Variants in TNRC6A observed in about 807,000 individuals in gnomAD.
The protein encoded by TNRC6A is trinucleotide repeat containing adaptor 6A, also known as trinucleotide repeat-containing gene 6A protein.
A neutral mutation model predicts 221.2 loss-of-function variants in TNRC6A; 44 were observed. The observed-to-expected ratio is 0.20, with a 90% confidence interval of 0.16 to 0.26. The LOEUF (loss-of-function observed/expected upper bound fraction) is 0.26. TNRC6A is among the 10% of genes least tolerant of loss of function. The pLI is 1.00. For missense variants in TNRC6A, 2,199 were observed against 2,404.4 expected (o/e 0.91, Z 1.79); for synonymous variants, 847 against 838.5 (o/e 1.01, Z -0.18).
intron 2 of TNRC6A, among the ~76,000 whole-genome samples, chr16:24,740,296 G>T (rs1400519710): frequency 3.9e-5 from 6 of 152,182 alleles, no homozygotes; most frequent in African/African-American, 1.4e-4. Context: ...GACTATTCTG[G>T]TTGCATTTCT....
chr16:24,638,429 C>T (rs1901751725), intron 1 of TNRC6A, among the ~76,000 whole-genome samples: 1 of 150,558 alleles, frequency 6.6e-6, no homozygotes, highest in African/African-American at 2.4e-5. Flanking sequence ...AAAACAGAAA[C>T]AGGATGGGCA....
At chr16:24,773,506 T>C (rs1231823861) in intron 4 of TNRC6A, among the ~76,000 whole-genome samples, 1 of 152,252 alleles carries the variant, frequency 6.6e-6, no homozygotes, top group Non-Finnish European at 1.5e-5. Context: ...ATGTTTTCTT[T>C]GCTGCTGTAT....
intron 2 of TNRC6A, among the ~76,000 whole-genome samples, chr16:24,706,171 C>T (rs1430895210): frequency 6.6e-6 from 1 of 152,162 alleles, no homozygotes; most frequent in Admixed American, 6.6e-5. Flanking sequence ...ACACTTTGTT[C>T]ATCAATTAGA....
intron 2 of TNRC6A, among the ~76,000 whole-genome samples, chr16:24,733,028 C>G (rs2056680490): frequency 6.6e-6 from 1 of 152,072 alleles, no homozygotes; most frequent in African/African-American, 2.4e-5. Context: ...ACCAGCCTGG[C>G]CAACATAGTG....
upstream of TNRC6A, among the ~76,000 whole-genome samples, chr16:24,728,479 A>G (rs1347909400): frequency 1.3e-5 from 2 of 151,952 alleles, no homozygotes; most frequent in Non-Finnish European, 2.9e-5. Flanking sequence ...AAAATAAAAA[A>G]AAAAGCCAGT....
chr16:24,653,835 C>T (rs973892573), intron 2 of TNRC6A, among the ~76,000 whole-genome samples: 1 of 151,734 alleles, frequency 6.6e-6, no homozygotes, highest in Non-Finnish European at 1.5e-5. Context: ...GACTAAAGGA[C>T]TGTACTTTAG....
At chr16:24,717,042 C>T (rs1372268664) in intron 2 of TNRC6A, among the ~76,000 whole-genome samples, 1 of 150,222 alleles carries the variant, frequency 6.7e-6, no homozygotes, top group African/African-American at 2.4e-5. Flanking sequence ...TTATTTCTGT[C>T]TGTATAGATA....
chr16:24,690,376 G>A (rs1163000508), intron 2 of TNRC6A, among the ~76,000 whole-genome samples: 1 of 152,142 alleles, frequency 6.6e-6, no homozygotes, highest in African/African-American at 2.4e-5. Context: ...TTGGCCAGGA[G>A]TTCCCAATAT....
chr16:24,677,282 C>T (rs1378868786), intron 2 of TNRC6A, among the ~76,000 whole-genome samples: 1 of 151,890 alleles, frequency 6.6e-6, no homozygotes, highest in Non-Finnish European at 1.5e-5. Flanking sequence ...CATGCCTCAG[C>T]CTCCTGAGTA....
intron 2 of TNRC6A, among the ~76,000 whole-genome samples, chr16:24,686,495 T>C (rs2055628272): frequency 6.6e-6 from 1 of 152,184 alleles, no homozygotes; most frequent in Non-Finnish European, 1.5e-5. Context: ...AGAATATTTC[T>C]AAACCCTTCT....
At chr16:24,768,586 TG>T (rs969350165) in intron 4 of TNRC6A, among the ~76,000 whole-genome samples, 7 of 152,322 alleles carry the variant, frequency 4.6e-5, no homozygotes, top group African/African-American at 1.7e-4. Context: ...GATGGTTTTT[TG>T]TTTTCCTATA....
chr16:24,615,844 A>G (rs1900312175), intron 1 of TNRC6A, among the ~76,000 whole-genome samples: 1 of 151,036 alleles, frequency 6.6e-6, no homozygotes, highest in African/African-American at 2.4e-5. Flanking sequence ...TGGGCAACAT[A>G]AAAAGTAACC....
intron 19 of TNRC6A, 185 bp downstream of exon 19, chr16:24,815,490 C>A: frequency 1.5e-6 from 1 of 663,660 alleles, no homozygotes; most frequent in Non-Finnish European, 2.7e-6. Context: ...GTGTGTCAGC[C>A]TGTTACCTAT....
chr16:24,631,975 C>T (rs1446893044), intron 1 of TNRC6A, among the ~76,000 whole-genome samples: 2 of 151,884 alleles, frequency 1.3e-5, no homozygotes, highest in Non-Finnish European at 2.9e-5. Context: ...CCTCCTATCT[C>T]AGCCTCCTGA....
At chr16:24,815,534 GC>G in intron 19 of TNRC6A, 1 of 547,204 alleles carries the variant, frequency 1.8e-6, no homozygotes, top group Non-Finnish European at 3.3e-6. Context: ...GTAGAAGTGA[GC>G]CCCATTGACC....
chr16:24,722,739 G>A (rs139622063), intron 2 of TNRC6A, among the ~76,000 whole-genome samples: 6 of 152,202 alleles, frequency 3.9e-5, no homozygotes, highest in African/African-American at 1.4e-4. Flanking sequence ...TAAATAAAGT[G>A]TGACTTTTAT....
intron 1 of TNRC6A, among the ~76,000 whole-genome samples, chr16:24,621,389 C>G (rs1380289607): frequency 4.0e-5 from 5 of 123,592 alleles, no homozygotes; most frequent in Non-Finnish European, 6.4e-5. Flanking sequence ...GACAGAGTCT[C>G]TCTCTGTCGC....
chr16:24,625,164 T>G (rs775077019), intron 1 of TNRC6A, among the ~76,000 whole-genome samples: 4 of 152,234 alleles, frequency 2.6e-5, no homozygotes, highest in Non-Finnish European at 4.4e-5. Context: ...ACCCCTCATT[T>G]TAGGCCCAAC....
At chr16:24,781,372 CTT>C (rs1276347858) in intron 5 of TNRC6A, among the ~76,000 whole-genome samples, 2 of 152,098 alleles carry the variant, frequency 1.3e-5, no homozygotes, top group Admixed American at 1.3e-4. Context: ...TTCCCATACT[CTT>C]TTGAGGCTAT....
Sources: gnomAD v4.1 joint callset for allele counts (sites outside exome capture counted in the v4.1 genomes callset) on GRCh38, gnomAD v4.1.1 for gene constraint, MANE v1.5 for transcripts, NCBI Gene and HGNC (gene_info 2026-07-23, HGNC 2026-07-21) for gene names.